CMSS1: variants seen among roughly 807,000 people sequenced by gnomAD.
CMSS1 encodes cms1 ribosomal small subunit homolog.
CMSS1 carries 33 observed loss-of-function variants against 43.5 expected under a neutral mutation model. The observed-to-expected ratio is 0.76, with a 90% CI of 0.57 to 1.01. The LOEUF is 1.01. Ranked by LOEUF, CMSS1 falls within the 50% of genes least tolerant of loss-of-function variation. The pLI, the probability that CMSS1 is intolerant of heterozygous loss-of-function variation, is 0.00. For synonymous variants in CMSS1, 115 were observed against 117.2 expected, an observed-to-expected ratio of 0.98 and a Z score of 0.12; for missense variants, 313 against 326.4, an observed-to-expected ratio of 0.96 and a Z score of 0.32.
At chr3:99,952,172 T>C (rs1708195293) in intron 1 of CMSS1, among the ~76,000 whole-genome samples, 1 of 152,102 alleles carries the variant, frequency 6.6e-6, no homozygotes, top group African/African-American at 2.4e-5. Flanking sequence ...ATGTGTTTTT[T>C]TTTTTCGTTG....
chr3:99,848,438 G>A, intron 1 of CMSS1: 2 of 1,614,182 alleles, frequency 1.2e-6, no homozygotes, highest in Non-Finnish European at 1.7e-6. Flanking sequence ...GGGCTGGCAG[G>A]TCTCACAGGG....
intron 1 of CMSS1, chr3:100,075,562 T>C (rs2065836728): frequency 6.6e-6 from 1 of 151,830 alleles, no homozygotes; most frequent in Admixed American, 6.6e-5. Flanking sequence ...CTCTTTTCTT[T>C]TTCTTTTTTT....
chr3:100,178,275 TC>T, intron 9 of CMSS1, 29 bp from the exon 10 acceptor site: 1 of 1,465,234 alleles, frequency 6.8e-7, no homozygotes, highest in Non-Finnish European at 9.6e-7. Flanking sequence ...TTGATCTTAA[TC>T]TTTTTTTCCC....
rs138564499 is a variant in CMSS1, at chr3:100,017,917, T to G, written c.65-129056T>G. On this transcript the variant is annotated intron_variant, in intron 1 of 9. Transcript: ENST00000421999. ...TTTCCTGGATCTGTAGCTTGCAAATTGCAGATTGTGGAACTTCTCAGCCTC... is the reference window on the plus strand; with the variant it reads ...TTTCCTGGATCTGTAGCTTGCAAATGGCAGATTGTGGAACTTCTCAGCCTC... 1.9e-3 allele frequency among the ~76,000 whole-genome samples: 286 copies of G among 152,312 alleles called. 6 individuals carry two copies. In the East Asian group the frequency reaches 0.025, roughly 13 times the overall value.
chr3:99,823,060 G>C (rs1942470814), intron 1 of CMSS1, among the ~76,000 whole-genome samples: 1 of 152,056 alleles, frequency 6.6e-6, no homozygotes, highest in African/African-American at 2.4e-5. Flanking sequence ...CATTATCAGT[G>C]GTAAGAATCT....
chr3:100,074,674 G>GTTTTTTT (rs1559748772), intron 1 of CMSS1, among the ~76,000 whole-genome samples: 2 of 25,108 alleles, frequency 8.0e-5, no homozygotes, highest in African/African-American at 3.0e-4. Flanking sequence ...TGCAACATTT[G>GTTTTTTT]ATTTTTTTTT....
intron 1 of CMSS1, among the ~76,000 whole-genome samples, chr3:100,027,016 TTGCTGTTCCC>T (rs2064936141): frequency 6.6e-6 from 1 of 152,172 alleles, no homozygotes; most frequent in African/African-American, 2.4e-5. Flanking sequence ...ACCTTTGTCC[TTGCTGTTCCC>T]TATTTTTCCA....
rs749606737 is a variant in CMSS1 at position 100,176,412 on chromosome 3, C to T, written c.753C>T (p.Pro251=). The T allele has an allele frequency of 2.3e-5, 37 of 1,604,568 alleles. 1 individual carries two copies. The highest frequency in any genetic ancestry group is 2.1e-4 in the African/African-American group (16 of 74,758). The change falls in exon 9 of 10, where the codon CCC becomes CCT. Residue 251 remains proline (P), a synonymous_variant. Transcript: ENST00000421999. ...AGTTGAGGAGAATGATGGACATTCC[C>T]GAGGTACCACGTAACCAGCAGTTGC... ...DQKLRRMMDI[P]EIRKEVFELL...
chr3:100,013,425 G>C (rs1459674108), intron 1 of CMSS1, among the ~76,000 whole-genome samples: 3 of 151,538 alleles, frequency 2.0e-5, no homozygotes, highest in Non-Finnish European at 4.4e-5. Flanking sequence ...TATATTTTTA[G>C]TAGAGACCGG....
intron 1 of CMSS1, among the ~76,000 whole-genome samples, chr3:99,992,406 G>A (rs1277141045): frequency 6.6e-6 from 1 of 151,944 alleles, no homozygotes; most frequent in Non-Finnish European, 1.5e-5. Context: ...TTAATTTGCA[G>A]TTCTCTGGTA....
At chr3:99,963,610 AT>A (rs148027279) in intron 1 of CMSS1, among the ~76,000 whole-genome samples, 173 of 147,718 alleles carry the variant, frequency 1.2e-3, no homozygotes, top group African/African-American at 2.5e-3. Flanking sequence ...ATATGCATCC[AT>A]TTTTTTTTTC....
At chr3:99,971,506 C>T (rs1559708930) in intron 1 of CMSS1, among the ~76,000 whole-genome samples, 1 of 152,178 alleles carries the variant, frequency 6.6e-6, no homozygotes, top group Admixed American at 6.5e-5. Context: ...GGAATGAGGT[C>T]TCACAGGAGA....
At chr3:99,932,501 CA>C (rs1303123417) in intron 1 of CMSS1, among the ~76,000 whole-genome samples, 4 of 151,262 alleles carry the variant, frequency 2.6e-5, no homozygotes, top group Non-Finnish European at 5.9e-5. Context: ...TTTCAGTATT[CA>C]AAAAAATGCT....
intron 1 of CMSS1, among the ~76,000 whole-genome samples, chr3:100,006,209 C>T (rs557573450): frequency 4.3e-4 from 66 of 152,224 alleles, no homozygotes; most frequent in African/African-American, 1.5e-3. Flanking sequence ...ATTAAGATAA[C>T]CTCAGAAACT....
At chr3:100,040,696 T>G (rs2065190473) in intron 1 of CMSS1, 1 of 152,234 alleles carries the variant, frequency 6.6e-6, no homozygotes, top group Non-Finnish European at 1.5e-5. Context: ...TGAATGACTA[T>G]TACAGGCTGA....
chr3:99,839,455 A>G (rs1326044568), intron 1 of CMSS1, among the ~76,000 whole-genome samples: 1 of 152,230 alleles, frequency 6.6e-6, no homozygotes, highest in Middle Eastern at 3.2e-3. Flanking sequence ...AATAATACAC[A>G]GGGAATTGCA....
chr3:100,121,435 G>T (rs1263430082), intron 1 of CMSS1, among the ~76,000 whole-genome samples: 1 of 151,946 alleles, frequency 6.6e-6, no homozygotes, highest in African/African-American at 2.4e-5. Flanking sequence ...CTTTTTTATG[G>T]CTGCATAGTA....
chr3:99,875,205 A>C (rs1241704154), intron 1 of CMSS1, among the ~76,000 whole-genome samples: 2 of 152,178 alleles, frequency 1.3e-5, no homozygotes, highest in Non-Finnish European at 2.9e-5. Flanking sequence ...ATGAAGTAAA[A>C]TATTATGGAG....
intron 1 of CMSS1, among the ~76,000 whole-genome samples, chr3:99,889,458 C>CTCATATAAATAACGTATGTTAT (rs1365302937): frequency 6.6e-6 from 1 of 152,010 alleles, no homozygotes; most frequent in African/African-American, 2.4e-5. Flanking sequence ...TTACCATACC[C>CTCATATAAATAACGTATGTTAT]TTATGTTCTG....
Sources: allele counts gnomAD v4.1 joint callset (sites outside exome capture counted in the v4.1 genomes callset), GRCh38; gene constraint gnomAD v4.1.1; transcripts MANE v1.5; gene names NCBI Gene and HGNC (gene_info 2026-07-23, HGNC 2026-07-21).